Variants in CDH9 observed in about 807,000 individuals in gnomAD.
CDH9 encodes cadherin-9.
In CDH9, 28 loss-of-function variants were observed where a neutral mutation model predicts 70.9. The observed-to-expected ratio is 0.40, with a 90% confidence interval of 0.29 to 0.54. The LOEUF (loss-of-function observed/expected upper bound fraction) is 0.54. Ranked by LOEUF, CDH9 falls within the 20% of genes least tolerant of loss-of-function variation. CDH9 has a pLI of 0.59. For missense variants in CDH9, 874 were observed against 984.4 expected (o/e 0.89, Z 1.50); for synonymous variants, 409 against 343.1 (o/e 1.19, Z -2.12).
intron 2 of CDH9, among the ~76,000 whole-genome samples, chr5:26,948,006 G>C (rs11957500): frequency 0.016 from 2,473 of 151,888 alleles, 64 homozygotes; most frequent in African/African-American, 0.057. Context: ...ACCGAGAGTC[G>C]AAACTTCTCC....
chr5:26,956,224 G>A (rs114054878), intron 2 of CDH9, among the ~76,000 whole-genome samples: 1 of 152,108 alleles, frequency 6.6e-6, no homozygotes, highest in Non-Finnish European at 1.5e-5. Flanking sequence ...TGGTGAATAA[G>A]TCTCACGAGA....
chr5:26,987,130 T>C (rs1742502571), intron 2 of CDH9, among the ~76,000 whole-genome samples: 2 of 149,084 alleles, frequency 1.3e-5, no homozygotes, highest in Admixed American at 1.3e-4. Flanking sequence ...TGGCCTGATC[T>C]AATTTATGTG....
chr5:26,997,062 T>A (rs1742678014), intron 1 of CDH9, among the ~76,000 whole-genome samples: 1 of 152,060 alleles, frequency 6.6e-6, no homozygotes, highest in Non-Finnish European at 1.5e-5. Flanking sequence ...CTTTTGCTAA[T>A]GGTTTATCAA....
intron 2 of CDH9, among the ~76,000 whole-genome samples, chr5:26,975,032 A>T (rs1403562426): frequency 1.3e-5 from 2 of 152,130 alleles, no homozygotes; most frequent in African/African-American, 4.8e-5. Flanking sequence ...ATAATAGAAT[A>T]AAAAAACAGA....
At chr5:26,943,980 T>C (rs1741705044) in intron 2 of CDH9, among the ~76,000 whole-genome samples, 4 of 152,210 alleles carry the variant, frequency 2.6e-5, no homozygotes, top group Admixed American at 6.5e-5. Context: ...AATTTGATTA[T>C]TATATTTCTA....
intron 7 of CDH9, among the ~76,000 whole-genome samples, chr5:26,897,445 G>A (rs1483118777): frequency 6.6e-6 from 1 of 152,106 alleles, no homozygotes; most frequent in Non-Finnish European, 1.5e-5. Flanking sequence ...ACTCAATCCA[G>A]CAGCAAATCA....
At chr5:26,886,688 T>C (rs1156923451) in intron 9 of CDH9, among the ~76,000 whole-genome samples, 1 of 152,182 alleles carries the variant, frequency 6.6e-6, no homozygotes, top group Non-Finnish European at 1.5e-5. Context: ...AAGACAGATA[T>C]ACAAAGAAAT....
intron 2 of CDH9, among the ~76,000 whole-genome samples, chr5:26,987,242 C>CT (rs1561030009): frequency 6.6e-6 from 1 of 151,672 alleles, no homozygotes; most frequent in East Asian, 1.9e-4. Context: ...GATCTGTAGA[C>CT]TGCAAGTATT....
At chr5:26,895,129 TCTTCCACTGA>T (rs1579667671) in intron 7 of CDH9, among the ~76,000 whole-genome samples, 1 of 152,050 alleles carries the variant, frequency 6.6e-6, no homozygotes, top group Non-Finnish European at 1.5e-5. Context: ...TCCATATATT[TCTTCCACTGA>T]CTAAGTCAAT....
At chr5:26,906,976 C>A (rs1214054573) in intron 3 of CDH9, 138 bp from the exon 4 acceptor site, 20 of 1,265,096 alleles carry the variant, frequency 1.6e-5, no homozygotes, top group Non-Finnish European at 2.0e-5. Context: ...TAAATACTTC[C>A]TCAAAAAAGT....
chr5:26,898,782 C>T (rs555125880), intron 7 of CDH9, among the ~76,000 whole-genome samples: 2 of 152,210 alleles, frequency 1.3e-5, no homozygotes, highest in African/African-American at 4.8e-5. Flanking sequence ...ATGACTAAAA[C>T]ACCAAAAGCA....
At chr5:26,979,100 G>C (rs1055334449) in intron 2 of CDH9, among the ~76,000 whole-genome samples, 2 of 151,390 alleles carry the variant, frequency 1.3e-5, no homozygotes, top group African/African-American at 4.8e-5. Context: ...TAAATTAATA[G>C]AAAAGATTAT....
Position 26,881,502 on chromosome 5 carries a change from A to G in CDH9, c.2004T>C (p.Asp668=). Residue 668 remains aspartate (D), a synonymous_variant, in exon 12 of 12, where the codon GAT becomes GAC. Transcript: ENST00000231021. ...ATGTGCCAATGTCAAAAGCTTGGGT[A>G]TCTTCTTCCCCGCCGCCTTCATCGT... is the stretch of plus-strand genomic sequence containing the variant. ...TYNDEGGGEE[D]TQAFDIGTLR... is the part of the protein sequence containing the mutation. The G allele has an allele frequency of 6.2e-7, 1 of 1,613,786 alleles. No individual in the cohort carries two copies. Among genetic ancestry groups the G allele is most frequent in the African/African-American group, 1.3e-5 (1 of 75,000 alleles).
At chr5:26,944,607 C>A (rs1741716549) in intron 2 of CDH9, among the ~76,000 whole-genome samples, 1 of 152,076 alleles carries the variant, frequency 6.6e-6, no homozygotes, top group Non-Finnish European at 1.5e-5. Flanking sequence ...CAGCCATGAT[C>A]CTGCCACTGC....
intron 7 of CDH9, among the ~76,000 whole-genome samples, chr5:26,898,187 G>A (rs1403904815): frequency 6.6e-6 from 1 of 151,810 alleles, no homozygotes; most frequent in Non-Finnish European, 1.5e-5. Flanking sequence ...CACAAACAAA[G>A]GAAAAAACGT....
At chr5:26,954,384 C>A (rs1395324504) in intron 2 of CDH9, among the ~76,000 whole-genome samples, 1 of 18,368 alleles carries the variant, frequency 5.4e-5, no homozygotes. Flanking sequence ...ATTATACAGC[C>A]TTTCTTTTTT....
In CDH9 at chr5:26,889,925, A is replaced by G. The variant is rs758272419; in HGVS notation, c.1423T>C (p.Phe475Leu). 3 of 1,608,228 alleles carry G rather than the reference A, an allele frequency of 1.9e-6. No homozygotes were observed. Among genetic ancestry groups the G allele is most frequent in the Non-Finnish European group, 2.6e-6 (3 of 1,175,796 alleles). ...NPKQSSHIPV[F>L]IRILDINDHA... ...TCATTTATATCTAGAATTCTGATGA[A>G]GACAGGGATGTGGCTACTTTGTTTT... The change falls in exon 9 of 12, where the codon TTC becomes CTC. Residue 475 changes from phenylalanine (F) to leucine (L), a missense_variant. Coordinates refer to ENST00000231021, the MANE Select transcript of CDH9 (RefSeq NM_016279.4).
chr5:26,954,674 G>T (rs1741914872), intron 2 of CDH9, among the ~76,000 whole-genome samples: 2 of 151,800 alleles, frequency 1.3e-5, no homozygotes, highest in Admixed American at 6.6e-5. Context: ...GTGAGCCACC[G>T]CGCCCAGCTC....
chr5:26,920,636 C>T (rs1427946049), intron 2 of CDH9, among the ~76,000 whole-genome samples: 1 of 151,950 alleles, frequency 6.6e-6, no homozygotes, highest in Admixed American at 6.6e-5. Context: ...GGCAGCTCAG[C>T]GCAGGGAGAC....
Sources: allele counts gnomAD v4.1 joint callset (sites outside exome capture counted in the v4.1 genomes callset), GRCh38; gene constraint gnomAD v4.1.1; transcripts MANE v1.5; gene names NCBI Gene and HGNC (gene_info 2026-07-23, HGNC 2026-07-21).